The following AKR1C3 variants were observed in gnomAD, a reference collection of about 807,000 sequenced individuals.
AKR1C3 encodes the protein aldo-keto reductase family 1 member C3, also known as 3-alpha hydroxysteroid dehydrogenase, type II.
Under a neutral mutation model 43.6 loss-of-function variants are expected in AKR1C3, and 48 were observed. The observed-to-expected ratio is 1.10, with a 90% CI of 0.87 to 1.40. The LOEUF (loss-of-function observed/expected upper bound fraction) is 1.40, where lower values mean the gene tolerates loss of function less well. Ranked by LOEUF, AKR1C3 falls within the 40% of genes most tolerant of loss-of-function variation. AKR1C3 has a pLI of 0.00. For synonymous variants in AKR1C3, 162 were observed against 139.6 expected (o/e 1.16, Z -1.13); for missense variants, 482 against 391.2 (o/e 1.23, Z -1.96).
rs571815985 is a variant in AKR1C3 at position 5,053,668 on chromosome 10, C to T, written c.84+4773C>T. Among the ~76,000 whole-genome samples the T allele has an allele frequency of 2.6e-5, 4 of 152,336 alleles. No individual in the cohort carries two copies. The East Asian group carries it at 7.7e-4, about 29-fold the overall frequency. On this transcript the variant is annotated intron_variant, in intron 1 of 8. Transcript: ENST00000439082. ...CCAGCACATTGTCACCTCTCAATCC[C>T]CCCTCTAAACAGGACACCCTAACTG...
chr10:5,098,331 G>A (rs782735335), intron 3 of AKR1C3, among the ~76,000 whole-genome samples: 4 of 152,134 alleles, frequency 2.6e-5, no homozygotes, highest in Non-Finnish European at 5.9e-5. Context: ...AAGGCTCATG[G>A]TCATCACCAT....
upstream of AKR1C3, chr10:5,094,283 T>A: frequency 1.7e-6 from 1 of 591,640 alleles, no homozygotes; most frequent in Non-Finnish European, 2.8e-6. Context: ...TGCAATTTTC[T>A]CCACAGACCA....
Position 5,102,079 on chromosome 10 carries a change from T to G in AKR1C3, c.571-22T>G, listed in dbSNP as rs1443974862. The G allele has an allele frequency of 2.8e-6, 4 of 1,429,558 alleles. No individual in the cohort carries two copies. The South Asian group carries it at 4.7e-5, about 17-fold the overall frequency. The allele number at this position is 1,429,558 out of a possible 1,614,324, so 88.6% of individuals were successfully genotyped here. A position where few individuals can be genotyped will look rare whatever the true frequency, so the allele number is the denominator to read the frequency against. On this transcript the variant is annotated intron_variant, in intron 5 of 8. Coordinates refer to ENST00000380554, the MANE Select transcript of AKR1C3 (RefSeq NM_003739.6). ...TAACTATTTCATATAAATTGATGCT[T>G]CTCTCTTTTGGTCAACTGCAGGTAG... is the stretch of plus-strand genomic sequence containing the variant.
intron 1 of AKR1C3, chr10:5,077,547 G>A (rs1280586883): frequency 1.6e-5 from 7 of 442,536 alleles, no homozygotes; most frequent in African/African-American, 1.3e-4. Context: ...TTATGGAAAT[G>A]CAAGGTTTGT....
In AKR1C3 at chr10:5,085,589, T is replaced by G. The variant is rs529381379; in HGVS notation, c.85-10821T>G. On this transcript the variant is annotated intron_variant, in intron 1 of 8. Transcript: ENST00000439082. ...TGGTATCAGGATGACGCTGGCCTCA[T>G]TAAATGAGTTAGGGAGGATTCCCTC... Among the ~76,000 whole-genome samples the G allele has an allele frequency of 3.7e-4, 56 of 152,014 alleles. 2 individuals carry two copies. The South Asian group carries it at 0.011, about 30-fold the overall frequency.
intron 7 of AKR1C3, among the ~76,000 whole-genome samples, chr10:5,103,770 G>A (rs1839419364): frequency 6.6e-6 from 1 of 152,130 alleles, no homozygotes; most frequent in Admixed American, 6.5e-5. Flanking sequence ...CACATTACAG[G>A]ACAGGCCAGA....
chr10:5,065,814 A>G (rs191396738), intron 1 of AKR1C3, among the ~76,000 whole-genome samples: 1 of 151,962 alleles, frequency 6.6e-6, no homozygotes, highest in African/African-American at 2.4e-5. Flanking sequence ...GCCTCCAGAC[A>G]TTATTTTCTT....
At chr10:5,105,433 C>T (rs587699749) in intron 7 of AKR1C3, 162 bp from the exon 8 acceptor site, 10 of 527,870 alleles carry the variant, frequency 1.9e-5, no homozygotes, top group South Asian at 1.1e-4. Flanking sequence ...GCTTATTTTT[C>T]GTGAGCTATT....
chr10:5,082,818 T>C (rs1588345508), intron 1 of AKR1C3, among the ~76,000 whole-genome samples: 1 of 152,116 alleles, frequency 6.6e-6, no homozygotes, highest in Non-Finnish European at 1.5e-5. Context: ...GTAGAACAAT[T>C]AGGGAGGAAT....
At chr10:5,071,347 A>G (rs1838609201) in intron 1 of AKR1C3, among the ~76,000 whole-genome samples, 1 of 152,182 alleles carries the variant, frequency 6.6e-6, no homozygotes, top group African/African-American at 2.4e-5. Context: ...CCCTGCTCTC[A>G]TGGGCTCTGT....
Position 5,106,458 on chromosome 10 carries a change from CAGGA to C in AKR1C3, c.929+784_929+787del, listed in dbSNP as rs78285039. Among the ~76,000 whole-genome samples, 536 of 152,206 alleles carry C rather than the reference CAGGA, an allele frequency of 3.5e-3. 6 individuals carry two copies. Among genetic ancestry groups the C allele is most frequent in the Admixed American group, 5.9e-3 (90 of 15,284 alleles). On this transcript the variant is annotated intron_variant, in intron 8 of 8. Transcript: ENST00000380554. ...GTCATTCATGTAAATGCAGGAAAAG[CAGGA>C]AGTTATGGCCGGGCGCAGTGGCTCA...
chr10:5,087,163 C>T lies in AKR1C3; in HGVS notation c.85-9247C>T, dbSNP rs532808145. ...AGTTGATGCAGTTTCTTCCTAGCCT[C>T]GCTGGTCTTTACAATTTGGCATGTT... On this transcript the variant is annotated intron_variant, in intron 1 of 8. Coordinates refer to the AKR1C3 transcript ENST00000439082. Among the ~76,000 whole-genome samples, 1,292 of 152,246 alleles carry T rather than the reference C, an allele frequency of 8.5e-3. 17 individuals are homozygous for T. Among genetic ancestry groups the T allele is most frequent in the African/African-American group, 0.029 (1,202 of 41,532 alleles).
chr10:5,092,353 T>A (rs573941673), upstream of AKR1C3, among the ~76,000 whole-genome samples: 1 of 152,182 alleles, frequency 6.6e-6, no homozygotes, highest in African/African-American at 2.4e-5. Flanking sequence ...TTTTTGATGA[T>A]TGTTTTCACC....
intron 1 of AKR1C3, among the ~76,000 whole-genome samples, chr10:5,086,682 A>T (rs1838973570): frequency 6.6e-6 from 1 of 152,142 alleles, no homozygotes; most frequent in African/African-American, 2.4e-5. Flanking sequence ...GGGGTGTTAA[A>T]GTCTCCCACT....
At chr10:5,106,236 C>A (rs1442862329) in intron 8 of AKR1C3, among the ~76,000 whole-genome samples, 1 of 152,102 alleles carries the variant, frequency 6.6e-6, no homozygotes, top group East Asian at 1.9e-4. Context: ...CTCCAGAAAG[C>A]CTTCCTTAGT....
chr10:5,060,798 G>A (rs557940589), intron 1 of AKR1C3, among the ~76,000 whole-genome samples: 2 of 152,274 alleles, frequency 1.3e-5, no homozygotes, highest in Admixed American at 1.3e-4. Flanking sequence ...GGAGGCTCAG[G>A]CATGGCGGGC....
At chr10:5,064,296 A>C (rs1243283275) in intron 1 of AKR1C3, among the ~76,000 whole-genome samples, 1 of 152,170 alleles carries the variant, frequency 6.6e-6, no homozygotes, top group Non-Finnish European at 1.5e-5. Context: ...GCAATCATTC[A>C]ACGAGTGATG....
intron 1 of AKR1C3, among the ~76,000 whole-genome samples, chr10:5,057,040 T>C (rs1403062877): frequency 3.3e-5 from 5 of 152,190 alleles, no homozygotes; most frequent in Middle Eastern, 3.2e-3. Flanking sequence ...AGACATGAGC[T>C]GACGCTTGCC....
rs782007109 is a variant in AKR1C3, at chr10:5,099,393, C to T, written c.514C>T (p.Gln172Ter). ...SIGVSNFNRRQLEMILNKPGL... is the reference protein window; with the variant it reads ...SIGVSNFNRR ...TGGGGTGTCAAACTTCAACCGCAGG[C>T]AGCTGGAGATGATCCTCAACAAGCC... is the stretch of plus-strand genomic sequence containing the variant. Residue 172 changes from glutamine (Q) to a stop codon, truncating the protein, a stop_gained, in exon 5 of 9, where the codon CAG becomes TAG. Transcript: ENST00000380554. LOFTEE classifies it high-confidence loss of function. The T allele has an allele frequency of 8.7e-6, 14 of 1,614,180 alleles. No individual in the cohort carries two copies. Among genetic ancestry groups the T allele is most frequent in the Non-Finnish European group, 1.1e-5 (13 of 1,180,040 alleles).
Sources: gnomAD v4.1 joint callset for allele counts (sites outside exome capture counted in the v4.1 genomes callset) on GRCh38, gnomAD v4.1.1 for gene constraint, MANE v1.5 for transcripts, NCBI Gene and HGNC (gene_info 2026-07-23, HGNC 2026-07-21) for gene names.